Variants in CLIC5 observed in about 807,000 individuals in gnomAD.
CLIC5 encodes the protein chloride intracellular channel protein 5.
A neutral mutation model predicts 24.7 loss-of-function variants in CLIC5; 20 were observed. That is an observed-to-expected ratio of 0.81 (90% CI 0.57 to 1.18). CLIC5 has a LOEUF of 1.18. Among genes scored for constraint, CLIC5 ranks in the 50% most tolerant of loss-of-function variants. CLIC5 has a pLI of 0.00. For synonymous variants in CLIC5, 159 were observed against 135.6 expected, an observed-to-expected ratio of 1.17 and a Z score of -1.20; for missense variants, 341 against 326.1, an observed-to-expected ratio of 1.05 and a Z score of -0.35.
chr6:46,000,258 CT>C (rs1295814389), intron 1 of CLIC5, among the ~76,000 whole-genome samples: 2 of 152,138 alleles, frequency 1.3e-5, no homozygotes, highest in East Asian at 1.9e-4. Context: ...GTCAGTGCCC[CT>C]AACCTCCACG....
chr6:45,916,222 T>C (rs1238914059), intron 4 of CLIC5, among the ~76,000 whole-genome samples: 1 of 152,260 alleles, frequency 6.6e-6, no homozygotes, highest in Non-Finnish European at 1.5e-5. Context: ...CTCCCTGGTG[T>C]GGCATTTGAA....
At chr6:45,922,823 A>AAGAGAGAGAGGG (rs1763319395) in intron 4 of CLIC5, among the ~76,000 whole-genome samples, 1 of 140,614 alleles carries the variant, frequency 7.1e-6, no homozygotes, top group Admixed American at 7.0e-5. Context: ...GAGAGAGAGA[A>AAGAGAGAGAGGG]AGAGAGAGAG....
chr6:45,883,036 G>A lies in CLIC5; in HGVS notation c.624-1848C>T, dbSNP rs12175935. On this transcript the variant is annotated intron_variant, in intron 6 of 6. Transcript: ENST00000644324. The stretch of plus-strand genomic sequence containing the variant: ...GAGCAGATCAAGATGGAGCCACAGA[G>A]TGGGATGGAGATTCCGAGCTGGTGG... Among the ~76,000 whole-genome samples the A allele has an allele frequency of 2.4e-3, 360 of 152,330 alleles. 6 individuals carry two copies. The East Asian group carries it at 0.061, about 26-fold the overall frequency.
chr6:46,071,876 T>C (rs1204289478), intron 1 of CLIC5, among the ~76,000 whole-genome samples: 4 of 152,066 alleles, frequency 2.6e-5, no homozygotes, highest in African/African-American at 9.7e-5. Flanking sequence ...GAAAATGTGG[T>C]ACATATATAC....
rs75122931 is a variant in CLIC5, at chr6:45,920,206, C to T, written c.407-5797G>A. ...TATAATTCTTAGTACTTTCAGCGAC[C>T]GTGATGAGGTCAAGAAGGAGTTTTC... On this transcript the variant is annotated intron_variant, in intron 4 of 5. Coordinates refer to ENST00000339561, the MANE Select transcript of CLIC5 (RefSeq NM_016929.5). 2.5e-5 allele frequency: 24 copies of T among 979,562 alleles called. No individual in the cohort carries two copies. In the East Asian group the frequency reaches 1.1e-3, roughly 47 times the overall value. 60.7% of individuals were successfully genotyped at this position (979,562 alleles called of 1,614,324 possible). A position where few individuals can be genotyped will look rare whatever the true frequency, so the allele number is the denominator to read the frequency against.
the CLIC5 span, among the ~76,000 whole-genome samples, chr6:46,118,578 A>G: frequency 6.6e-6 from 1 of 152,178 alleles, no homozygotes; most frequent in Non-Finnish European, 1.5e-5. Context: ...TACAATACAA[A>G]AAGTATAGTG....
intron 1 of CLIC5, among the ~76,000 whole-genome samples, chr6:46,009,801 C>T (rs918792074): frequency 6.6e-6 from 1 of 152,144 alleles, no homozygotes; most frequent in Admixed American, 6.5e-5. Flanking sequence ...TACCAGGAGC[C>T]TTGGGGAAGC....
At position 45,994,114 on chromosome 6, in the gene CLIC5, C is replaced by A. The variant is rs968012420; in HGVS notation, c.63+21366G>T. Among the ~76,000 whole-genome samples, 82 of 152,114 alleles carry A rather than the reference C, an allele frequency of 5.4e-4. 3 individuals carry two copies. The highest frequency in any genetic ancestry group is 2.6e-4 in the Admixed American group (4 of 15,270). On this transcript the variant is annotated intron_variant, in intron 1 of 5. Coordinates refer to ENST00000339561, the MANE Select transcript of CLIC5 (RefSeq NM_016929.5). ...GCTCATGGTCAGCAGATATCCCCAC[C>A]AAGACCACATCTTCAGTGAAGGCTG...
chr6:46,060,895 A>C lies in CLIC5; in HGVS notation c.540+18808T>G, dbSNP rs112577979. Among the ~76,000 whole-genome samples, 342 of 152,306 alleles carry C rather than the reference A, an allele frequency of 2.2e-3. 3 individuals are homozygous for C. Among genetic ancestry groups the C allele is most frequent in the African/African-American group, 7.7e-3 (319 of 41,572 alleles). On this transcript the variant is annotated intron_variant, in intron 1 of 5. Coordinates refer to the CLIC5 transcript ENST00000185206. ...TAATTCCTAAGTCCTTCATGTTGTG[A>C]ATCCTTCTTCCTGAACCAACTGGTC...
chr6:45,960,098 G>A (rs1297914844), intron 1 of CLIC5, among the ~76,000 whole-genome samples: 6 of 152,110 alleles, frequency 3.9e-5, no homozygotes, highest in Non-Finnish European at 8.8e-5. Flanking sequence ...AAGCCTCTTA[G>A]CGACCCCAGA....
chr6:46,056,684 A>T (rs576820467), intron 1 of CLIC5, among the ~76,000 whole-genome samples: 8 of 152,302 alleles, frequency 5.3e-5, no homozygotes, highest in African/African-American at 1.9e-4. Flanking sequence ...TTAATTATTT[A>T]CTGGGATACC....
chr6:46,120,127 C>A, the CLIC5 span, among the ~76,000 whole-genome samples: 1 of 152,256 alleles, frequency 6.6e-6, no homozygotes, highest in East Asian at 1.9e-4. Flanking sequence ...AATGGACAGA[C>A]TGCCTCCTCA....
chr6:46,043,156 G>A (rs78255082), intron 1 of CLIC5, among the ~76,000 whole-genome samples: 1,990 of 152,310 alleles, frequency 0.013, 35 homozygotes, highest in African/African-American at 0.04. Flanking sequence ...AGATGCAACA[G>A]TGATGATGAG....
intron 4 of CLIC5, chr6:45,920,481 A>T: frequency 6.1e-6 from 2 of 329,648 alleles, no homozygotes; most frequent in South Asian, 1.2e-4. Context: ...CAAAAAAAGT[A>T]CAGTGGTGGT....
Position 45,913,318 on chromosome 6 carries a change from AGAAGT to A in CLIC5, c.588+905_588+909del, listed in dbSNP as rs1762888817. 7.9e-5 allele frequency among the ~76,000 whole-genome samples: 12 copies of A among 152,352 alleles called. No homozygotes were observed. The South Asian group carries it at 2.5e-3, about 32-fold the overall frequency. Reference sequence around the variant, plus strand: ...ACGAGGGTCAGGAAAGAATGGGGGAAGAAGTGCTCATTGACAGAGCTTAGGGGGAT... The same window carrying A: ...ACGAGGGTCAGGAAAGAATGGGGGAAGCTCATTGACAGAGCTTAGGGGGAT... On this transcript the variant is annotated intron_variant, in intron 5 of 5. Coordinates refer to ENST00000339561, the MANE Select transcript of CLIC5 (RefSeq NM_016929.5).
At chr6:45,928,698 C>T (rs1259164369) in intron 4 of CLIC5, among the ~76,000 whole-genome samples, 1 of 151,828 alleles carries the variant, frequency 6.6e-6, no homozygotes, top group Non-Finnish European at 1.5e-5. Context: ...TTGAAATGAG[C>T]CTGTCTAAGG....
intron 2 of CLIC5, among the ~76,000 whole-genome samples, chr6:45,952,138 G>T (rs1764491616): frequency 6.6e-6 from 1 of 152,162 alleles, no homozygotes; most frequent in Admixed American, 6.5e-5. Context: ...GATGGTGGTG[G>T]TGGTGGGTTT....
intron 5 of CLIC5, among the ~76,000 whole-genome samples, chr6:45,905,598 G>GT (rs1561921049): frequency 1.4e-5 from 2 of 146,302 alleles, no homozygotes; most frequent in African/African-American, 5.1e-5. Context: ...TTATTCAATT[G>GT]TTTAAGTTCC....
chr6:45,893,529 A>C (rs1489169854), downstream of CLIC5, among the ~76,000 whole-genome samples: 1 of 152,088 alleles, frequency 6.6e-6, no homozygotes, highest in Non-Finnish European at 1.5e-5. Context: ...TTCCTATATC[A>C]CACTTCCACA....
Sources: gnomAD v4.1 joint callset for allele counts (sites outside exome capture counted in the v4.1 genomes callset) on GRCh38, gnomAD v4.1.1 for gene constraint, MANE v1.5 for transcripts, NCBI Gene and HGNC (gene_info 2026-07-23, HGNC 2026-07-21) for gene names.